TAFA2: variants seen among roughly 807,000 people sequenced by gnomAD.
TAFA2 encodes TAFA chemokine like family member 2.
A neutral mutation model predicts 18.8 loss-of-function variants in TAFA2; 7 were observed. The observed-to-expected ratio is 0.37, with a 90% CI of 0.21 to 0.70. The LOEUF is 0.70. Among genes scored for constraint, TAFA2 ranks in the 30% least tolerant of loss-of-function variants. TAFA2 has a pLI of 0.53. For synonymous variants in TAFA2, 60 were observed against 54.2 expected (o/e 1.11, Z -0.47); for missense variants, 122 against 158.1 (o/e 0.77, Z 1.23).
chr12:62,008,336 GTTGA>G (rs1880624713), intron 1 of TAFA2, among the ~76,000 whole-genome samples: 2 of 152,084 alleles, frequency 1.3e-5, no homozygotes, highest in South Asian at 2.1e-4. Flanking sequence ...CATTACTGGA[GTTGA>G]TTAAGTGGTT....
At chr12:61,880,335 C>A (rs925412698) in intron 1 of TAFA2, 5 of 488,290 alleles carry the variant, frequency 1.0e-5, no homozygotes, top group African/African-American at 7.9e-5. Flanking sequence ...ATCACAGATG[C>A]CGAGAAGCGC....
rs923372969 is a variant in TAFA2, at chr12:61,756,798, C to T, written c.107-1774G>A. ...AACATCTCTCTTTGAGGAGATAATC[C>T]GAATCATGAGCTGAATAATGAGAAG... On this transcript the variant is annotated intron_variant, in intron 2 of 4. Coordinates refer to ENST00000416284, the MANE Select transcript of TAFA2 (RefSeq NM_178539.5). Among the ~76,000 whole-genome samples, 8 of 151,946 alleles carry T rather than the reference C, an allele frequency of 5.3e-5. No individual in the cohort carries two copies. The East Asian group carries it at 5.8e-4, about 11-fold the overall frequency.
At chr12:61,942,155 G>C (rs1399552245) in intron 1 of TAFA2, among the ~76,000 whole-genome samples, 1 of 148,404 alleles carries the variant, frequency 6.7e-6, no homozygotes, top group Non-Finnish European at 1.5e-5. Flanking sequence ...CCTGACCCCC[G>C]AGCAGCCTAA....
intron 4 of TAFA2, among the ~76,000 whole-genome samples, chr12:61,748,508 A>G (rs1868843715): frequency 6.6e-6 from 1 of 152,102 alleles, no homozygotes; most frequent in Non-Finnish European, 1.5e-5. Context: ...CACGAATTGC[A>G]CCACCTTAAG....
chr12:61,885,855 A>G (rs74641006), intron 1 of TAFA2, among the ~76,000 whole-genome samples: 2 of 152,192 alleles, frequency 1.3e-5, no homozygotes, highest in African/African-American at 4.8e-5. Context: ...ATTAAAGAGA[A>G]TACTATGACA....
At chr12:61,951,941 C>G (rs78501551) in intron 1 of TAFA2, among the ~76,000 whole-genome samples, 10,384 of 151,076 alleles carry the variant, frequency 0.069, 466 homozygotes, top group Non-Finnish European at 0.1. Flanking sequence ...GAGAAGAAAA[C>G]ACGAAGCATT....
rs3034071 is a variant in TAFA2, at chr12:61,818,490, T to TACACACACACAC, written c.106+48818_106+48829dup. 5.7e-3 allele frequency among the ~76,000 whole-genome samples: 797 copies of TACACACACACAC among 140,784 alleles called. 9 individuals are homozygous for TACACACACACAC. Among genetic ancestry groups the TACACACACACAC allele is most frequent in the African/African-American group, 0.017 (673 of 38,882 alleles). 92.4% of individuals were successfully genotyped at this position (140,784 alleles called of 152,430 possible). On this transcript the variant is annotated intron_variant, in intron 2 of 4. Coordinates refer to ENST00000416284, the MANE Select transcript of TAFA2 (RefSeq NM_178539.5). ...AGATCGAGACCCTGTCTCAAAAAAA[T>TACACACACACAC]ACACACACACACACACACACACACA...
chr12:61,881,847 G>T (rs1875155377), intron 1 of TAFA2, among the ~76,000 whole-genome samples: 1 of 151,804 alleles, frequency 6.6e-6, no homozygotes. Context: ...TGTGGCTTCA[G>T]TTCGAAGCCA....
chr12:62,074,635 A>G (rs2136809402), intron 1 of TAFA2, among the ~76,000 whole-genome samples: 1 of 152,202 alleles, frequency 6.6e-6, no homozygotes, highest in South Asian at 2.1e-4. Flanking sequence ...TACAGACAGT[A>G]GAATGCGAGC....
intron 1 of TAFA2, among the ~76,000 whole-genome samples, chr12:62,205,033 GGTT>G (rs1344973921): frequency 6.6e-6 from 1 of 152,174 alleles, no homozygotes; most frequent in Non-Finnish European, 1.5e-5. Context: ...TTGATGCTGT[GGTT>G]GTTGTTGTTT....
At chr12:61,791,267 G>C (rs1317752784) in intron 2 of TAFA2, among the ~76,000 whole-genome samples, 1 of 151,836 alleles carries the variant, frequency 6.6e-6, no homozygotes, top group African/African-American at 2.4e-5. Context: ...AGAAAACAGA[G>C]AGAAAATACT....
intron 1 of TAFA2, among the ~76,000 whole-genome samples, chr12:61,927,630 T>C (rs941753597): frequency 6.6e-6 from 1 of 152,144 alleles, no homozygotes; most frequent in Non-Finnish European, 1.5e-5. Flanking sequence ...CAAGCTACCA[T>C]TGACTTTCTT....
chr12:62,153,929 ATG>A (rs1491537873), intron 1 of TAFA2, among the ~76,000 whole-genome samples: 40 of 142,238 alleles, frequency 2.8e-4, no homozygotes, highest in African/African-American at 9.1e-4. Context: ...AAATTATGTT[ATG>A]TTATGTTATG....
chr12:61,821,561 C>CA (rs1872324538), intron 2 of TAFA2, among the ~76,000 whole-genome samples: 1 of 152,014 alleles, frequency 6.6e-6, no homozygotes. Context: ...CCCTTAGAAA[C>CA]AAGAGCTATT....
At chr12:61,920,965 T>C (rs1310649792) in intron 1 of TAFA2, among the ~76,000 whole-genome samples, 1 of 152,034 alleles carries the variant, frequency 6.6e-6, no homozygotes, top group East Asian at 1.9e-4. Flanking sequence ...AAATTCTCCC[T>C]GGATGAACCA....
At position 62,080,818 on chromosome 12, in the gene TAFA2, C is replaced by G. The variant is rs572591385; in HGVS notation, c.-2+110441G>C. On this transcript the variant is annotated intron_variant, in intron 1 of 4. Transcript: ENST00000416284. ...TCTCAACTTATCTTTCTGTTAATGT[C>G]CATGAAAAGTAATCTCTACAACAGG... 6.8e-4 allele frequency among the ~76,000 whole-genome samples: 103 copies of G among 152,100 alleles called. 1 individual carries two copies. The highest frequency in any genetic ancestry group is 1.6e-3 in the Admixed American group (24 of 15,266).
At position 61,867,997 on chromosome 12, in the gene TAFA2, A is replaced by G. The variant is rs552551999; in HGVS notation, c.-1-571T>C. 5.3e-5 allele frequency among the ~76,000 whole-genome samples: 8 copies of G among 152,268 alleles called. No homozygotes were observed. In the South Asian group the frequency reaches 6.2e-4, roughly 12 times the overall value. ...GCACAACTCCACTACAGGTGACACA[A>G]TATTGTTGGACTCCACCTTGATGTA... On this transcript the variant is annotated intron_variant, in intron 1 of 4. Transcript: ENST00000416284.
At chr12:62,023,631 T>C (rs1374383060) in intron 1 of TAFA2, 1 of 128,166 alleles carries the variant, frequency 7.8e-6, no homozygotes, top group Non-Finnish European at 1.7e-5. Flanking sequence ...TTCCTCTAAA[T>C]TTCCAACAGC....
chr12:62,054,429 A>G (rs1416583104), intron 1 of TAFA2, among the ~76,000 whole-genome samples: 1 of 152,236 alleles, frequency 6.6e-6, no homozygotes, highest in Non-Finnish European at 1.5e-5. Flanking sequence ...CTGAGATCAT[A>G]CACAATCTCA....
Sources: gnomAD v4.1 joint callset for allele counts (sites outside exome capture counted in the v4.1 genomes callset) on GRCh38, gnomAD v4.1.1 for gene constraint, MANE v1.5 for transcripts, NCBI Gene and HGNC (gene_info 2026-07-23, HGNC 2026-07-21) for gene names.